USH2A: variants seen among roughly 807,000 people sequenced by gnomAD.
USH2A encodes the protein Usher syndrome 2A (autosomal recessive, mild).
In USH2A, 443 loss-of-function variants were observed where a neutral mutation model predicts 538.9. The ratio of observed to expected loss-of-function variants is 0.82; its 90% CI spans 0.76 to 0.89. The LOEUF is 0.89. Ranked by LOEUF, USH2A falls within the 40% of genes least tolerant of loss-of-function variation. The probability of loss-of-function intolerance (pLI) is 0.00; values close to 1 mark genes in which losing one functional copy is unlikely to be tolerated. For synonymous variants in USH2A, 2,413 were observed against 2,273.5 expected (o/e 1.06, Z -1.75); for missense variants, 6,633 against 6,324.8 (o/e 1.05, Z -1.65).
At chr1:215,730,996 A>G (rs1382569076) in intron 60 of USH2A, among the ~76,000 whole-genome samples, 1 of 152,218 alleles carries the variant, frequency 6.6e-6, no homozygotes, top group African/African-American at 2.4e-5. Context: ...TAGGAACACA[A>G]TACAGCAAAC....
At chr1:216,124,439 G>A (rs2033204172) in intron 21 of USH2A, among the ~76,000 whole-genome samples, 1 of 151,728 alleles carries the variant, frequency 6.6e-6, no homozygotes, top group South Asian at 2.1e-4. Context: ...GCTAATGAAT[G>A]GGCCAGAGAA....
intron 32 of USH2A, among the ~76,000 whole-genome samples, chr1:216,013,780 G>A (rs923236902): frequency 2.0e-5 from 3 of 151,488 alleles, no homozygotes; most frequent in African/African-American, 7.3e-5. Context: ...CTCTCTTTTC[G>A]GACTCAGCCC....
At chr1:216,209,843 TTAGGCTTCAGAAG>T (rs200084814) in intron 15 of USH2A, among the ~76,000 whole-genome samples, 1,890 of 152,298 alleles carry the variant, frequency 0.012, 27 homozygotes, top group Middle Eastern at 0.1. Context: ...TTGGGGAGAT[TTAGGCTTCAGAAG>T]TAGGCCTCAG....
intron 58 of USH2A, among the ~76,000 whole-genome samples, chr1:215,757,758 C>T (rs1022119492): frequency 6.6e-6 from 1 of 152,002 alleles, no homozygotes; most frequent in Non-Finnish European, 1.5e-5. Flanking sequence ...CAAGGCAACC[C>T]AATAATGACT....
At chr1:215,724,018 G>C (rs1272360065) in intron 61 of USH2A, among the ~76,000 whole-genome samples, 1 of 152,060 alleles carries the variant, frequency 6.6e-6, no homozygotes, top group Non-Finnish European at 1.5e-5. Context: ...CAATAGCAAA[G>C]ATATTGAATC....
intron 61 of USH2A, among the ~76,000 whole-genome samples, chr1:215,698,452 T>C (rs943821163): frequency 5.3e-5 from 8 of 152,198 alleles, no homozygotes; most frequent in African/African-American, 1.9e-4. Flanking sequence ...AGTGTAAAAG[T>C]GTTCCAATTT....
chr1:216,198,394 C>A lies in USH2A; in HGVS notation c.4002G>T (p.Lys1334Asn). ...TCACAGCTAAGACTCTGAACTCATACTTGGTGTATGGCTCCAAGCCAGTGA... is the reference window on the plus strand; with the variant it reads ...TCACAGCTAAGACTCTGAACTCATAATTGGTGTATGGCTCCAAGCCAGTGA... The part of the protein sequence containing the change: ...TTITGLEPYT[K>N]YEFRVLAVNM... The change falls in exon 18 of 72, where the codon AAG (lysine) becomes AAT (asparagine). Residue 1334 changes from lysine to asparagine, a missense_variant. Transcript: ENST00000307340. 1 of 1,614,048 alleles carries A rather than the reference C, an allele frequency of 6.2e-7. No homozygotes were observed. Among genetic ancestry groups the A allele is most frequent in the East Asian group, 2.2e-5 (1 of 44,836 alleles).
At chr1:216,224,134 T>A (rs1436086075) in intron 14 of USH2A, among the ~76,000 whole-genome samples, 3 of 152,082 alleles carry the variant, frequency 2.0e-5, no homozygotes, top group Admixed American at 1.3e-4. Flanking sequence ...AGAGGGTATA[T>A]CATTAGGGAA....
At chr1:215,817,984 A>G (rs890614370) in intron 47 of USH2A, among the ~76,000 whole-genome samples, 2 of 151,926 alleles carry the variant, frequency 1.3e-5, no homozygotes, top group African/African-American at 4.8e-5. Flanking sequence ...TACTTTTATG[A>G]TGATCCACTT....
At chr1:215,866,868 T>A (rs552943920) in intron 44 of USH2A, 139 bp downstream of exon 44, 33 of 1,192,770 alleles carry the variant, frequency 2.8e-5, no homozygotes, top group Admixed American at 1.9e-4. Flanking sequence ...GACAGCCCTG[T>A]CAATCTGCAA....
chr1:216,065,947 C>T (rs189504956), intron 30 of USH2A, among the ~76,000 whole-genome samples: 3 of 151,698 alleles, frequency 2.0e-5, no homozygotes, highest in Non-Finnish European at 4.4e-5. Context: ...ATGGACCTAC[C>T]TAGGCACATC....
chr1:216,302,903 T>C (rs2037241719), intron 9 of USH2A, among the ~76,000 whole-genome samples: 4 of 152,076 alleles, frequency 2.6e-5, no homozygotes, highest in Non-Finnish European at 5.9e-5. Context: ...ATATAATTGA[T>C]AGCCTATTTT....
At chr1:216,294,528 T>G (rs1183638453) in intron 9 of USH2A, among the ~76,000 whole-genome samples, 1 of 147,238 alleles carries the variant, frequency 6.8e-6, no homozygotes, top group African/African-American at 2.5e-5. Context: ...ACACATTTAG[T>G]TTTTTTTTTT....
At chr1:216,216,752 A>C (rs988490937) in intron 15 of USH2A, among the ~76,000 whole-genome samples, 3 of 152,176 alleles carry the variant, frequency 2.0e-5, no homozygotes, top group African/African-American at 7.2e-5. Context: ...TGAAAAGTCA[A>C]AAGATACTTA....
intron 22 of USH2A, among the ~76,000 whole-genome samples, chr1:216,089,958 G>A (rs1367477552): frequency 6.6e-6 from 1 of 151,890 alleles, no homozygotes; most frequent in East Asian, 1.9e-4. Context: ...ATAAGACTAA[G>A]TGAAAGATAT....
intron 30 of USH2A, among the ~76,000 whole-genome samples, chr1:216,054,666 C>A (rs1425862709): frequency 6.6e-6 from 1 of 152,064 alleles, no homozygotes; most frequent in African/African-American, 2.4e-5. Flanking sequence ...CTCCCTCCCC[C>A]ACCCCACCCC....
intron 68 of USH2A, among the ~76,000 whole-genome samples, chr1:215,639,920 A>C (rs1462763828): frequency 1.3e-5 from 2 of 152,346 alleles, no homozygotes; most frequent in Non-Finnish European, 2.9e-5. Context: ...CTCATTAATC[A>C]ATTCATTATA....
chr1:215,777,658 G>A lies in USH2A; in HGVS notation c.10939+2185C>T, dbSNP rs141296248. 4.0e-3 allele frequency among the ~76,000 whole-genome samples: 609 copies of A among 152,240 alleles called. 2 individuals carry two copies. The highest frequency in any genetic ancestry group is 0.013 in the African/African-American group (531 of 41,544). ...CTTTTCTTGTCAGTCTTCCCTGTACGTGAGAGGATCTTAAGAGCAGCAGTC... is the reference window on the plus strand; with the variant it reads ...CTTTTCTTGTCAGTCTTCCCTGTACATGAGAGGATCTTAAGAGCAGCAGTC... On this transcript the variant is annotated intron_variant, in intron 55 of 71. Transcript: ENST00000307340.
intron 46 of USH2A, among the ~76,000 whole-genome samples, chr1:215,839,169 C>A (rs1663608172): frequency 6.6e-6 from 1 of 152,054 alleles, no homozygotes; most frequent in Non-Finnish European, 1.5e-5. Flanking sequence ...TATCAAGGGC[C>A]TACATTCTGA....
Sources: gnomAD v4.1 joint callset for allele counts (sites outside exome capture counted in the v4.1 genomes callset) on GRCh38, gnomAD v4.1.1 for gene constraint, MANE v1.5 for transcripts, NCBI Gene and HGNC (gene_info 2026-07-23, HGNC 2026-07-21) for gene names.